The following ARHGAP32 variants were observed in gnomAD, a reference collection of about 807,000 sequenced individuals.
The protein encoded by ARHGAP32 is Rho GTPase activating protein 32, also known as rho GTPase-activating protein 32.
In ARHGAP32, 51 loss-of-function variants were observed where a neutral mutation model predicts 186.5. That is an observed-to-expected ratio of 0.27 (90% confidence interval 0.22 to 0.35). The LOEUF is 0.35. ARHGAP32 is among the 10% of genes least tolerant of loss of function. The pLI, the probability that ARHGAP32 is intolerant of heterozygous loss-of-function variation, is 1.00. For synonymous variants in ARHGAP32, 950 were observed against 964.3 expected (o/e 0.99, Z 0.27); for missense variants, 2,186 against 2,623.5 (o/e 0.83, Z 3.64).
rs1425051487 is a variant in ARHGAP32 at position 128,965,318 on chromosome 11, C to T, written c.*3589G>A. On this transcript the variant is annotated 3_prime_UTR_variant, in exon 23 of 23. Transcript: ENST00000682385. ...AATCACAAAACTATTTACAAAAATA[C>T]ACAAGCTTATATGCATTAACAATTT... The T allele has an allele frequency of 2.0e-5, 3 of 151,920 alleles. No homozygotes were observed. Among genetic ancestry groups the T allele is most frequent in the Admixed American group, 2.0e-4 (3 of 15,254 alleles). The allele number at this position is 151,920 out of a possible 1,614,324, so 9.4% of individuals were successfully genotyped here. A position where few individuals can be genotyped will look rare whatever the true frequency, so the allele number is the denominator to read the frequency against.
rs374676727 is a variant in ARHGAP32, at chr11:129,028,122, C to T, written c.1045+12806G>A. Among the ~76,000 whole-genome samples, 42 of 152,236 alleles carry T rather than the reference C, an allele frequency of 2.8e-4. 1 individual carries two copies. In the East Asian group the frequency reaches 7.3e-3, roughly 27 times the overall value. On this transcript the variant is annotated intron_variant, in intron 11 of 22. Transcript: ENST00000682385. ...TGTTTTGGAGCATCCATATAAAAGA[C>T]GCAAATTACTATAAAATACAACATC...
rs909797689 is a variant in ARHGAP32 at position 129,123,975 on chromosome 11, C to G, written c.318-46G>C. 54 of 1,251,652 alleles carry G rather than the reference C, an allele frequency of 4.3e-5. No homozygotes were observed. The highest frequency in any genetic ancestry group is 1.6e-4 in the Admixed American group (7 of 42,448). 77.5% of individuals were successfully genotyped at this position (1,251,652 alleles called of 1,614,324 possible). On this transcript the variant is annotated intron_variant, in intron 3 of 22. Coordinates refer to ENST00000682385, the MANE Select transcript of ARHGAP32 (RefSeq NM_001378024.1). This position sits in a 1 kb window ranked among gnomAD's most constrained non-coding sequence, Gnocchi z 4.6. ...TTTATCCTTGTCTTTCCTCTACTTA[C>G]ACATGAAGCATAACTATCTAACTCT... is the stretch of plus-strand genomic sequence containing the variant.
intron 1 of ARHGAP32, among the ~76,000 whole-genome samples, chr11:129,265,081 AAAC>A (rs1945377705): frequency 6.6e-6 from 1 of 152,230 alleles, no homozygotes; most frequent in Non-Finnish European, 1.5e-5. Context: ...GATTCTCTAG[AAAC>A]AACACAGAAT....
chr11:129,277,504 C>T (rs56327546), intron 1 of ARHGAP32, among the ~76,000 whole-genome samples: 6,045 of 152,218 alleles, frequency 0.04, 142 homozygotes, highest in Middle Eastern at 0.068. Flanking sequence ...TGTTTTTCTC[C>T]CCCACTACTT....
chr11:129,089,056 A>G (rs2135254908), intron 6 of ARHGAP32, among the ~76,000 whole-genome samples: 1 of 151,682 alleles, frequency 6.6e-6, no homozygotes, highest in African/African-American at 2.4e-5. Context: ...AACTACTACT[A>G]TCCAAGCATG....
At chr11:129,183,120 A>G (rs993434811) in intron 1 of ARHGAP32, among the ~76,000 whole-genome samples, 2 of 152,108 alleles carry the variant, frequency 1.3e-5, no homozygotes, top group African/African-American at 4.8e-5. Flanking sequence ...TTGAGAAGCC[A>G]TCTTTACCAT....
intron 12 of ARHGAP32, chr11:128,993,389 A>G (rs1301017842): frequency 6.6e-6 from 1 of 152,000 alleles, no homozygotes; most frequent in Non-Finnish European, 1.5e-5. Flanking sequence ...AATCTAGTGC[A>G]AGGTTAATTT....
At chr11:129,253,122 G>A (rs1345812561) in intron 1 of ARHGAP32, among the ~76,000 whole-genome samples, 1 of 152,176 alleles carries the variant, frequency 6.6e-6, no homozygotes, top group Non-Finnish European at 1.5e-5. Flanking sequence ...TAACTCTACA[G>A]ATCAAATAAG....
chr11:129,185,645 C>CA (rs1470614200), intron 1 of ARHGAP32, among the ~76,000 whole-genome samples: 2 of 151,744 alleles, frequency 1.3e-5, no homozygotes, highest in Admixed American at 6.6e-5. Context: ...GAATGAAAAG[C>CA]AAAAAACATT....
intron 20 of ARHGAP32, among the ~76,000 whole-genome samples, chr11:128,976,078 C>CATATATATATATATATATAT (rs71472082): frequency 1.6e-4 from 24 of 145,808 alleles, no homozygotes; most frequent in African/African-American, 5.6e-4. Flanking sequence ...CTCTGTCTAA[C>CATATATATATATATATATAT]ATATATATAT....
At chr11:129,255,745 A>G (rs77241234) in intron 1 of ARHGAP32, among the ~76,000 whole-genome samples, 3,022 of 152,176 alleles carry the variant, frequency 0.02, 111 homozygotes, top group Admixed American at 0.083. Flanking sequence ...ACCCACCAGA[A>G]GGACTACGTT....
At position 128,970,218 on chromosome 11, in the gene ARHGAP32, G is replaced by A. The variant is rs1565345127; in HGVS notation, c.4995C>T (p.Ser1665=). Reference sequence around the variant, plus strand: ...AGGAACTAGAAGAACTGGAATATGGGCTATACCTGTAGTGGACCCGGCCAT... The same window carrying A: ...AGGAACTAGAAGAACTGGAATATGGACTATACCTGTAGTGGACCCGGCCAT... ...FENGRVHYRY[S]PYSSSSSSYY... Residue 1665 remains serine, a synonymous_variant, in exon 23 of 23, where the codon AGC becomes AGT. Coordinates refer to ENST00000682385, the MANE Select transcript of ARHGAP32 (RefSeq NM_001378024.1). The surrounding 1 kb of genome is among the most constrained non-coding windows in gnomAD (Gnocchi z 5.8). 6.2e-7 allele frequency: 1 copy of A among 1,614,166 alleles called. No homozygotes were observed. The highest frequency in any genetic ancestry group is 1.1e-5 in the South Asian group (1 of 91,074).
At chr11:129,226,031 T>C (rs1036539400) in intron 1 of ARHGAP32, among the ~76,000 whole-genome samples, 1 of 152,078 alleles carries the variant, frequency 6.6e-6, no homozygotes, top group Non-Finnish European at 1.5e-5. Context: ...TCTTCAAATA[T>C]GAAGATAGGT....
chr11:129,168,562 C>CT (rs1357059421), intron 1 of ARHGAP32, among the ~76,000 whole-genome samples: 4 of 152,194 alleles, frequency 2.6e-5, no homozygotes, highest in Non-Finnish European at 5.9e-5. Flanking sequence ...GATAAATCCA[C>CT]TATCACCGTT....
At chr11:129,155,857 A>C (rs1943390625) in intron 2 of ARHGAP32, among the ~76,000 whole-genome samples, 1 of 152,158 alleles carries the variant, frequency 6.6e-6, no homozygotes, top group Non-Finnish European at 1.5e-5. Context: ...TGATCTCTGC[A>C]TTTACAACTG....
intron 6 of ARHGAP32, among the ~76,000 whole-genome samples, chr11:129,078,129 T>C (rs903394255): frequency 1.3e-5 from 2 of 152,124 alleles, no homozygotes; most frequent in African/African-American, 4.8e-5. Context: ...GACCTGAAGA[T>C]GGATCACATC....
intron 10 of ARHGAP32, among the ~76,000 whole-genome samples, chr11:129,041,541 T>C (rs184117941): frequency 1.3e-5 from 2 of 150,182 alleles, no homozygotes; most frequent in Non-Finnish European, 3.0e-5. Flanking sequence ...TAAAATAATC[T>C]CTCATTTAAA....
rs553126170 is a variant in ARHGAP32, at chr11:129,260,688, G to A, written c.-5+18458C>T. ...TTAAGCTGTCTACCTTAAAGCATCC[G>A]TTTTAAAAATAAATTCCTACTACTT... On this transcript the variant is annotated intron_variant, in intron 1 of 6. Coordinates refer to the ARHGAP32 transcript ENST00000525234. 5.3e-5 allele frequency among the ~76,000 whole-genome samples: 8 copies of A among 152,068 alleles called. No homozygotes were observed. In the South Asian group the frequency reaches 6.2e-4, roughly 12 times the overall value.
chr11:129,127,456 A>G (rs1942689260), intron 2 of ARHGAP32, among the ~76,000 whole-genome samples: 1 of 152,136 alleles, frequency 6.6e-6, no homozygotes, highest in African/African-American at 2.4e-5. Flanking sequence ...AGAGCACAGA[A>G]AAGTTCCAGG....
Sources: gnomAD v4.1 joint callset for allele counts (sites outside exome capture counted in the v4.1 genomes callset) on GRCh38, gnomAD v4.1.1 for gene constraint, Gnocchi (gnomAD v3.1) non-coding constraint, MANE v1.5 for transcripts, NCBI Gene and HGNC (gene_info 2026-07-23, HGNC 2026-07-21) for gene names.